Variants in VPS35L observed in about 807,000 individuals in gnomAD.
The protein encoded by VPS35L is VPS35 endosomal protein sorting factor like.
VPS35L carries 83 observed loss-of-function variants against 133.0 expected under a neutral mutation model. The ratio of observed to expected loss-of-function variants is 0.62; its 90% CI spans 0.52 to 0.75. VPS35L has a LOEUF of 0.75. Ranked by LOEUF, VPS35L falls within the 30% of genes least tolerant of loss-of-function variation. The pLI is 0.00. For missense variants in VPS35L, 1,083 were observed against 1,206.8 expected, an observed-to-expected ratio of 0.90 and a Z score of 1.52; for synonymous variants, 423 against 449.9, an observed-to-expected ratio of 0.94 and a Z score of 0.76.
chr16:19,627,695 G>T lies in VPS35L; in HGVS notation c.1273G>T (p.Ala425Ser). 1 of 1,611,284 alleles carries T rather than the reference G, an allele frequency of 6.2e-7. No homozygotes were observed. The highest frequency in any genetic ancestry group is 8.5e-7 in the Non-Finnish European group (1 of 1,177,552). ...MERCKKLGNN[A>S]LLLNSVMSAF... ...GACTTGGGGATCTGTGTCTTGCAGTGCCTTGCTGTTGAATTCTGTGATGTC... is the reference window on the plus strand; with the variant it reads ...GACTTGGGGATCTGTGTCTTGCAGTTCCTTGCTGTTGAATTCTGTGATGTC... Residue 425 changes from alanine (A) to serine (S), a missense_variant and splice_region_variant, in exon 16 of 31, where the codon GCC (alanine) becomes TCC (serine). Physicochemically the swap from Ala to Ser is moderately conservative, Grantham distance 99. Transcript: ENST00000417362.
At position 19,669,275 on chromosome 16, in the gene VPS35L, C is replaced by A. The variant is rs912534064; in HGVS notation, c.2337C>A (p.Phe779Leu). 1 of 1,612,330 alleles carries A rather than the reference C, an allele frequency of 6.2e-7. No individual in the cohort carries two copies. The highest frequency in any genetic ancestry group is 8.5e-7 in the Non-Finnish European group (1 of 1,178,798). Residue 779 changes from phenylalanine (F) to leucine (L), a missense_variant, in exon 27 of 31, where the codon TTC becomes TTA. Phe to Leu is a conservative substitution (Grantham distance 22, BLOSUM62 0). Coordinates refer to ENST00000417362, the MANE Select transcript of VPS35L (RefSeq NM_020314.7). ...TCCTTCTGGAATTCCTCTGCAATTTCTTTTCTACTTTATTAATAGTTCCGG... is the reference window on the plus strand; with the variant it reads ...TCCTTCTGGAATTCCTCTGCAATTTATTTTCTACTTTATTAATAGTTCCGG... ...ESFLLEFLCN[F>L]FSTLLIVPDH...
chr16:19,643,800 T>A (rs1370605240), intron 22 of VPS35L, among the ~76,000 whole-genome samples: 6 of 144,860 alleles, frequency 4.1e-5, no homozygotes, highest in Admixed American at 1.4e-4. Flanking sequence ...AAAAAAAAAA[T>A]ACAAAAAATT....
At chr16:19,604,835 C>A (rs1485488155) in intron 9 of VPS35L, among the ~76,000 whole-genome samples, 1 of 152,180 alleles carries the variant, frequency 6.6e-6, no homozygotes. Flanking sequence ...GAGAAAGATA[C>A]AGTGTCTTTT....
intron 26 of VPS35L, 25 bp from the exon 27 acceptor site, chr16:19,669,135 C>T (rs1260499982): frequency 1.3e-6 from 2 of 1,584,818 alleles, no homozygotes; most frequent in African/African-American, 1.3e-5. Context: ...TTCTAATATA[C>T]TGACTTTTAT....
chr16:19,594,433 C>T (rs1972136624), intron 8 of VPS35L, among the ~76,000 whole-genome samples: 2 of 152,010 alleles, frequency 1.3e-5, no homozygotes, highest in South Asian at 4.2e-4. Context: ...CACTTCAGGT[C>T]AGGAGTGCGA....
intron 27 of VPS35L, among the ~76,000 whole-genome samples, chr16:19,675,526 T>G (rs1360763137): frequency 6.6e-6 from 1 of 152,056 alleles, no homozygotes; most frequent in African/African-American, 2.4e-5. Flanking sequence ...AGCTCTATTT[T>G]TAATTTTTTT....
chr16:19,591,144 T>G (rs1212468456), intron 7 of VPS35L, among the ~76,000 whole-genome samples: 2 of 152,132 alleles, frequency 1.3e-5, no homozygotes, highest in Admixed American at 1.3e-4. Context: ...AATTTGGGAC[T>G]GAGTATAAAT....
At chr16:19,572,079 C>A (rs1243020988) in intron 3 of VPS35L, among the ~76,000 whole-genome samples, 2 of 152,126 alleles carry the variant, frequency 1.3e-5, no homozygotes, top group African/African-American at 4.8e-5. Flanking sequence ...ACACACACAT[C>A]TTGGTGCATG....
chr16:19,634,417 C>CAAA (rs57823383), intron 19 of VPS35L, among the ~76,000 whole-genome samples: 2 of 104,796 alleles, frequency 1.9e-5, no homozygotes, highest in Non-Finnish European at 2.0e-5. Flanking sequence ...GACACGGTCT[C>CAAA]AAAAAAAAAA....
In VPS35L at chr16:19,627,748, A is replaced by G. The variant is rs1171828521; in HGVS notation, c.1326A>G (p.Thr442=). 1 of 1,614,138 alleles carries G rather than the reference A, an allele frequency of 6.2e-7. No homozygotes were observed. Residue 442 remains threonine (T), a synonymous_variant, in exon 16 of 31, where the codon ACA becomes ACG. Transcript: ENST00000417362. ...CCTTCCGGGCTGAGTTCATCGCCAC[A>G]AGGTCTATGGATTTCATTGGCATGA... ...MSAFRAEFIA[T]RSMDFIGMIK...
chr16:19,664,282 G>A (rs1227407704), intron 26 of VPS35L, among the ~76,000 whole-genome samples: 3 of 152,020 alleles, frequency 2.0e-5, no homozygotes, highest in Non-Finnish European at 4.4e-5. Context: ...CTATGAATAC[G>A]GGGACGGTGG....
intron 2 of VPS35L, among the ~76,000 whole-genome samples, chr16:19,568,902 C>T (rs887644609): frequency 1.3e-5 from 2 of 152,090 alleles, no homozygotes; most frequent in Non-Finnish European, 2.9e-5. Context: ...TGCCTCAGCA[C>T]CACAAAGTGT....
At chr16:19,647,649 C>T (rs1432319903) in intron 23 of VPS35L, 135 bp from the exon 24 acceptor site, 6 of 706,706 alleles carry the variant, frequency 8.5e-6, no homozygotes, top group African/African-American at 3.6e-5. Flanking sequence ...TTATACCCTT[C>T]GACTTCTTAG....
chr16:19,691,490 C>T lies in VPS35L; in HGVS notation c.2646+19C>T. ...GGACGAGGTGGGTGCCCTCTGCTGT[C>T]CTCCACCCGCCCCTTGCTCTGAAAG... On this transcript the variant is annotated intron_variant, in intron 29 of 30. Transcript: ENST00000417362. 1 of 1,576,128 alleles carries T rather than the reference C, an allele frequency of 6.3e-7. No homozygotes were observed. The highest frequency in any genetic ancestry group is 1.1e-5 in the South Asian group (1 of 90,186).
intron 27 of VPS35L, among the ~76,000 whole-genome samples, chr16:19,675,875 C>T (rs552531489): frequency 1.3e-5 from 2 of 152,140 alleles, no homozygotes; most frequent in South Asian, 2.1e-4. Flanking sequence ...ATGGGGACTG[C>T]ACTGTTTTGC....
Position 19,608,895 on chromosome 16 carries a change from A to G in VPS35L, c.882-79A>G, listed in dbSNP as rs1972620424. 61 of 1,317,350 alleles carry G rather than the reference A, an allele frequency of 4.6e-5. No individual in the cohort carries two copies. The Admixed American group carries it at 6.3e-4, about 14-fold the overall frequency. The allele number at this position is 1,317,350 out of a possible 1,614,324, so 81.6% of individuals were successfully genotyped here. On this transcript the variant is annotated intron_variant, in intron 10 of 30. Transcript: ENST00000417362. Reference sequence around the variant, plus strand: ...CATCTCCTAAGACCCGCCTACTTCTATTCATGGATAGTTTAGTCTTTTCTC... The same window carrying G: ...CATCTCCTAAGACCCGCCTACTTCTGTTCATGGATAGTTTAGTCTTTTCTC...
intron 8 of VPS35L, among the ~76,000 whole-genome samples, chr16:19,596,258 G>C (rs1234916544): frequency 6.9e-6 from 1 of 144,892 alleles, no homozygotes; most frequent in Non-Finnish European, 1.5e-5. Flanking sequence ...TTTATACATT[G>C]CTTATGGGGG....
At chr16:19,617,004 C>T (rs1287910017) in intron 14 of VPS35L, 196 bp downstream of exon 14, 3 of 797,424 alleles carry the variant, frequency 3.8e-6, no homozygotes, top group Non-Finnish European at 4.1e-6. Context: ...ATTTTGACAG[C>T]TGTGGAAGGG....
At chr16:19,581,941 C>T (rs984556194) in intron 7 of VPS35L, 7 of 347,828 alleles carry the variant, frequency 2.0e-5, no homozygotes, top group Admixed American at 4.5e-5. Flanking sequence ...TTGTGCAGTA[C>T]ATTAACCATG....
Sources: allele counts gnomAD v4.1 joint callset (sites outside exome capture counted in the v4.1 genomes callset), GRCh38; gene constraint gnomAD v4.1.1; transcripts MANE v1.5; gene names NCBI Gene and HGNC (gene_info 2026-07-23, HGNC 2026-07-21).